Variants in NEXMIF observed in about 807,000 individuals in gnomAD.
NEXMIF encodes the protein neurite extension and migration factor.
A neutral mutation model predicts 62.1 loss-of-function variants in NEXMIF; 8 were observed. The ratio of observed to expected loss-of-function variants is 0.13; its 90% CI spans 0.08 to 0.23. The LOEUF is 0.23. Among genes scored for constraint, NEXMIF ranks in the 10% least tolerant of loss-of-function variants. NEXMIF has a pLI of 1.00. For synonymous variants in NEXMIF, 404 were observed against 416.6 expected (o/e 0.97, Z 0.37); for missense variants, 976 against 1,113.3 (o/e 0.88, Z 1.75).
intron 1 of NEXMIF, among the ~76,000 whole-genome samples, chrX:74,759,996 A>G (rs1404888877): frequency 1.8e-5 from 2 of 112,073 alleles, no homozygotes; most frequent in Non-Finnish European, 3.8e-5. Context: ...GGCCATTTTA[A>G]TGATATTGAT....
chrX:74,832,634 A>G (rs2080441762), intron 1 of NEXMIF, among the ~76,000 whole-genome samples: 1 of 111,128 alleles, frequency 9.0e-6, no homozygotes, highest in Non-Finnish European at 1.9e-5. Flanking sequence ...CTTTGCTCCG[A>G]TCATTATTTC....
intron 1 of NEXMIF, among the ~76,000 whole-genome samples, chrX:74,825,369 A>T (rs1412802871): frequency 1.8e-5 from 2 of 110,923 alleles, no homozygotes; most frequent in Non-Finnish European, 3.8e-5. Flanking sequence ...ATTTCTCCTG[A>T]TCCTCTCCCT....
intron 1 of NEXMIF, among the ~76,000 whole-genome samples, chrX:74,756,307 A>T (rs1191479345): frequency 1.8e-5 from 2 of 112,103 alleles, no homozygotes; most frequent in Non-Finnish European, 3.8e-5. Flanking sequence ...GGCTACTTAT[A>T]TATGGGGAAA....
At chrX:74,768,619 TAAG>T (rs975541914) in intron 1 of NEXMIF, among the ~76,000 whole-genome samples, 2 of 111,959 alleles carry the variant, frequency 1.8e-5, no homozygotes, top group African/African-American at 6.5e-5. Flanking sequence ...ACGGGTGCTA[TAAG>T]AAGAGCATAG....
intron 1 of NEXMIF, among the ~76,000 whole-genome samples, chrX:74,808,999 T>C: frequency 8.9e-6 from 1 of 111,963 alleles, no homozygotes; most frequent in East Asian, 2.8e-4. Context: ...CTCTAGGCTT[T>C]GCTCTCATGA....
rs768941623 is a variant in NEXMIF, at chrX:74,827,425, C to T, written c.-47-81728G>A. Reference sequence around the variant, plus strand: ...CTCCATTCCAGTTGTTGGGTCATTTCATCCCCTAGGTAGGGTAAATAAGTA... The same window carrying T: ...CTCCATTCCAGTTGTTGGGTCATTTTATCCCCTAGGTAGGGTAAATAAGTA... On this transcript the variant is annotated intron_variant, in intron 1 of 3. Transcript: ENST00000055682. Among the ~76,000 whole-genome samples, 8 of 111,819 alleles carry T rather than the reference C, an allele frequency of 7.2e-5. No individual in the cohort carries two copies. The South Asian group carries it at 3.0e-3, about 42-fold the overall frequency.
At chrX:74,843,673 C>G (rs760952861) in intron 1 of NEXMIF, among the ~76,000 whole-genome samples, 1 of 112,097 alleles carries the variant, frequency 8.9e-6, no homozygotes, top group Non-Finnish European at 1.9e-5. Flanking sequence ...CTCAGCCTCC[C>G]AAAGTGCTGG....
intron 1 of NEXMIF, among the ~76,000 whole-genome samples, chrX:74,822,010 C>A (rs1449874135): frequency 9.0e-6 from 1 of 111,465 alleles, no homozygotes; most frequent in Non-Finnish European, 1.9e-5. Flanking sequence ...CTCGGCCTCC[C>A]AGTGTTGGGA....
At chrX:74,828,953 G>A (rs753865673) in intron 1 of NEXMIF, among the ~76,000 whole-genome samples, 32 of 111,811 alleles carry the variant, frequency 2.9e-4, no homozygotes, top group African/African-American at 1.0e-3. Flanking sequence ...TGCACATGCT[G>A]GGAATACACC....
intron 1 of NEXMIF, among the ~76,000 whole-genome samples, chrX:74,782,328 G>A (rs1237868740): frequency 9.0e-6 from 1 of 111,586 alleles, no homozygotes; most frequent in Non-Finnish European, 1.9e-5. Flanking sequence ...TGGAAATTTG[G>A]CAACTAACAT....
At position 74,740,190 on chromosome X, in the gene NEXMIF, G is replaced by T; in HGVS notation, c.4367C>A (p.Ala1456Asp). ...KLYRHKSSSK[A>D]LRDEKCKGKH... ...TCCCTTACATTTCTCATCTCTCAGGGCCTTGGAGCTGGATTTGTGACGATA... is the reference window on the plus strand; with the variant it reads ...TCCCTTACATTTCTCATCTCTCAGGTCCTTGGAGCTGGATTTGTGACGATA... Residue 1456 changes from alanine (A) to aspartate (D), a missense_variant, in exon 3 of 4, where the codon GCC becomes GAC. Coordinates refer to ENST00000055682, the MANE Select transcript of NEXMIF (RefSeq NM_001008537.3). The T allele has an allele frequency of 2.5e-6, 3 of 1,210,579 alleles. No homozygotes were observed. Among genetic ancestry groups the T allele is most frequent in the Non-Finnish European group, 3.4e-6 (3 of 894,770 alleles).
chrX:74,759,455 C>A (rs1486267821), intron 1 of NEXMIF, among the ~76,000 whole-genome samples: 1 of 112,295 alleles, frequency 8.9e-6, no homozygotes, highest in Non-Finnish European at 1.9e-5. Flanking sequence ...GTCATGAAAT[C>A]TTTGCCTATT....
intron 1 of NEXMIF, among the ~76,000 whole-genome samples, chrX:74,858,752 G>A (rs1248138949): frequency 9.1e-6 from 1 of 110,462 alleles, no homozygotes; most frequent in Non-Finnish European, 1.9e-5. Flanking sequence ...TAGCTGTTTT[G>A]AGGAAATTCA....
At chrX:74,760,840 A>AGATT (rs1322290861) in intron 1 of NEXMIF, among the ~76,000 whole-genome samples, 17 of 73,220 alleles carry the variant, frequency 2.3e-4, no homozygotes, top group Admixed American at 9.7e-4. Flanking sequence ...ATTGGCCCTA[A>AGATT]GATTTATTTA....
intron 1 of NEXMIF, among the ~76,000 whole-genome samples, chrX:74,817,242 T>TCGGG (rs2080378932): frequency 8.9e-6 from 1 of 111,870 alleles, no homozygotes; most frequent in African/African-American, 3.2e-5. Flanking sequence ...CTTTAGCTAC[T>TCGGG]TCAAAGAGCC....
At position 74,741,301 on chromosome X, in the gene NEXMIF, A is replaced by G. The variant is rs1332195988; in HGVS notation, c.3256T>C (p.Cys1086Arg). The change falls in exon 3 of 4, where the codon TGT (cysteine) becomes CGT (arginine). Residue 1086 changes from cysteine (C) to arginine (R), a missense_variant. Coordinates refer to ENST00000055682, the MANE Select transcript of NEXMIF (RefSeq NM_001008537.3). ...TPSLSPQITR[C>R]ESMKTLGTLK... The stretch of plus-strand genomic sequence containing the variant: ...GTTCCTAGTGTCTTCATACTCTCAC[A>G]TCTGGTAATTTGAGGGGAAAGACTA... 1 of 1,210,663 alleles carries G rather than the reference A, an allele frequency of 8.3e-7. No individual in the cohort carries two copies.
chrX:74,905,145 G>A (rs2080763296), intron 1 of NEXMIF, among the ~76,000 whole-genome samples: 1 of 111,618 alleles, frequency 9.0e-6, no homozygotes, highest in Non-Finnish European at 1.9e-5. Flanking sequence ...GTAAAAAAGA[G>A]AATAGAATAA....
At chrX:74,908,692 G>GCACA (rs745450977) in intron 1 of NEXMIF, among the ~76,000 whole-genome samples, 1 of 110,591 alleles carries the variant, frequency 9.0e-6, no homozygotes, top group Non-Finnish European at 1.9e-5. Flanking sequence ...ACATGCACGT[G>GCACA]CACACACACA....
chrX:74,826,992 T>C (rs1238225078), intron 1 of NEXMIF, among the ~76,000 whole-genome samples: 1 of 112,043 alleles, frequency 8.9e-6, no homozygotes, highest in Non-Finnish European at 1.9e-5. Context: ...GGGACTTATT[T>C]GCCAAGAAAG....
Sources: allele counts gnomAD v4.1 joint callset (sites outside exome capture counted in the v4.1 genomes callset), GRCh38; gene constraint gnomAD v4.1.1; transcripts MANE v1.5; gene names NCBI Gene and HGNC (gene_info 2026-07-23, HGNC 2026-07-21).